Variants in SLC68A1 observed in about 807,000 individuals in gnomAD.
SLC68A1 encodes major facilitator superfamily domain containing 13A.
At chr10:102,467,300 T>C in the SLC68A1 span, among the ~76,000 whole-genome samples, 26 of 152,232 alleles carry the variant, frequency 1.7e-4, no homozygotes, top group African/African-American at 6.3e-4. Flanking sequence ...CCTCCCAAAG[T>C]GCTGGGATTA....
the SLC68A1 span, chr10:102,472,875 A>G: frequency 7.4e-6 from 12 of 1,614,070 alleles, no homozygotes; most frequent in Non-Finnish European, 1.0e-5. Context: ...CCACTTCAAC[A>G]GCAACTTCTT....
At chr10:102,473,172 A>G in the SLC68A1 span, among the ~76,000 whole-genome samples, 6 of 151,992 alleles carry the variant, frequency 3.9e-5, no homozygotes, top group Non-Finnish European at 7.4e-5. Context: ...TGCAGTGGGC[A>G]TGGGGGGCAG....
At chr10:102,467,970 T>C in the SLC68A1 span, among the ~76,000 whole-genome samples, 1 of 152,090 alleles carries the variant, frequency 6.6e-6, no homozygotes, top group Non-Finnish European at 1.5e-5. Context: ...TCTCAGGGTT[T>C]TTATAAGCAT....
At chr10:102,473,473 G>A in the SLC68A1 span, 110 of 1,243,954 alleles carry the variant, frequency 8.8e-5, no homozygotes, top group Admixed American at 1.2e-3. Flanking sequence ...CCAGTGCATC[G>A]CTAGTGTACA....
chr10:102,470,574 C>T, the SLC68A1 span: 2 of 1,534,580 alleles, frequency 1.3e-6, no homozygotes, highest in Non-Finnish European at 1.8e-6. Context: ...ACACCCTGGG[C>T]CTCCATCCCT....
At chr10:102,472,761 G>T in the SLC68A1 span, 1 of 897,410 alleles carries the variant, frequency 1.1e-6, no homozygotes, top group South Asian at 1.3e-5. Context: ...TGAGGATGGG[G>T]AGTTGGGGGG....
chr10:102,470,097 C>T, the SLC68A1 span: 4 of 1,609,192 alleles, frequency 2.5e-6, no homozygotes, highest in African/African-American at 1.3e-5. Context: ...GGGAACAGCT[C>T]GTAATTGGTT....
At chr10:102,470,360 C>T in the SLC68A1 span, among the ~76,000 whole-genome samples, 1 of 152,138 alleles carries the variant, frequency 6.6e-6, no homozygotes, top group Non-Finnish European at 1.5e-5. Context: ...CTGGAAGATT[C>T]CTTTGCCCCA....
chr10:102,470,897 C>T, the SLC68A1 span: 1 of 1,613,298 alleles, frequency 6.2e-7, no homozygotes, highest in Non-Finnish European at 8.5e-7. Flanking sequence ...CCGCACCCAC[C>T]TCAACTTCTA....
At chr10:102,468,034 GA>G in the SLC68A1 span, among the ~76,000 whole-genome samples, 71,293 of 149,330 alleles carry the variant, frequency 0.48, 17,453 homozygotes, top group Middle Eastern at 0.62. Context: ...ATTTGGGCAG[GA>G]AAAAAAAAAA....
At chr10:102,473,070 C>CCTGCCT in the SLC68A1 span, 1 of 797,436 alleles carries the variant, frequency 1.3e-6, no homozygotes, top group African/African-American at 1.7e-5. Context: ...CAGTGATCCA[C>CCTGCCT]CTGCCTCTGC....
chr10:102,464,989 T>C, the SLC68A1 span, among the ~76,000 whole-genome samples: 86 of 151,700 alleles, frequency 5.7e-4, no homozygotes, highest in Non-Finnish European at 8.8e-5. Context: ...GTGTGGAGGC[T>C]CATGGCTGCA....
At chr10:102,476,052 G>GTTTTTT in the SLC68A1 span, 329 of 738,248 alleles carry the variant, frequency 4.5e-4, 10 homozygotes, top group African/African-American at 1.4e-3. Context: ...GTTTTTTTTG[G>GTTTTTT]TTTTTTTTTT....
the SLC68A1 span, among the ~76,000 whole-genome samples, chr10:102,475,078 G>C: frequency 1.3e-5 from 2 of 152,146 alleles, no homozygotes; most frequent in Non-Finnish European, 2.9e-5. Flanking sequence ...GATCACCTGA[G>C]GTCAGGAGTT....
At chr10:102,470,081 T>C in the SLC68A1 span, 1 of 1,613,348 alleles carries the variant, frequency 6.2e-7, no homozygotes, top group Non-Finnish European at 8.5e-7. Context: ...CCCCGGTTGG[T>C]GTATTGGGAA....
At chr10:102,464,705 G>C in the SLC68A1 span, among the ~76,000 whole-genome samples, 1 of 142,106 alleles carries the variant, frequency 7.0e-6, no homozygotes, top group African/African-American at 2.6e-5. Flanking sequence ...CAGGAGAATT[G>C]CTTGAACCTG....
At chr10:102,475,914 G>A in the SLC68A1 span, 8 of 1,613,542 alleles carry the variant, frequency 5.0e-6, no homozygotes, top group African/African-American at 2.7e-5. Flanking sequence ...CATGGGAGAC[G>A]CCTGCACATG....
the SLC68A1 span, among the ~76,000 whole-genome samples, chr10:102,466,345 TGATGGCA>T: frequency 1.3e-4 from 20 of 152,012 alleles, no homozygotes; most frequent in African/African-American, 4.6e-4. Context: ...AAGCTGGGCA[TGATGGCA>T]GGTGCCTGTA....
chr10:102,470,193 C>A, the SLC68A1 span: 1 of 947,042 alleles, frequency 1.1e-6, no homozygotes, highest in Non-Finnish European at 1.6e-6. Flanking sequence ...TCAGTGTTGC[C>A]CATGGCTCTT....
Sources: gnomAD v4.1 joint callset for allele counts (sites outside exome capture counted in the v4.1 genomes callset) on GRCh38, gnomAD v4.1.1 for gene constraint, MANE v1.5 for transcripts, NCBI Gene and HGNC (gene_info 2026-07-23, HGNC 2026-07-21) for gene names.